Variants in COMMD1 observed in about 807,000 individuals in gnomAD.
The protein encoded by COMMD1 is COMM domain-containing protein 1.
A neutral mutation model predicts 17.2 loss-of-function variants in COMMD1; 10 were observed. That is an observed-to-expected ratio of 0.58 (90% CI 0.36 to 0.99). The LOEUF (loss-of-function observed/expected upper bound fraction) is 0.99. Ranked by LOEUF, COMMD1 falls within the 50% of genes least tolerant of loss-of-function variation. The pLI is 0.01. For synonymous variants in COMMD1, 97 were observed against 91.6 expected (o/e 1.06, Z -0.34); for missense variants, 270 against 231.8 (o/e 1.17, Z -1.07).
At chr2:61,969,072 C>T (rs1469030580) in intron 1 of COMMD1, 1 of 439,232 alleles carries the variant, frequency 2.3e-6, no homozygotes, top group Non-Finnish European at 4.6e-6. Context: ...GATTCTCCTG[C>T]CTCAGCCTCC....
chr2:62,071,126 C>T (rs1351055150), intron 2 of COMMD1, among the ~76,000 whole-genome samples: 1 of 152,194 alleles, frequency 6.6e-6, no homozygotes, highest in East Asian at 1.9e-4. Context: ...TGATTATATG[C>T]TAAACAAGGA....
chr2:62,101,923 A>G (rs1672192266), intron 2 of COMMD1, among the ~76,000 whole-genome samples: 1 of 152,106 alleles, frequency 6.6e-6, no homozygotes, highest in Non-Finnish European at 1.5e-5. Flanking sequence ...TTGGTGATTA[A>G]CTTAATCTCC....
At chr2:62,049,400 G>A (rs565887030) in intron 2 of COMMD1, among the ~76,000 whole-genome samples, 89 of 152,040 alleles carry the variant, frequency 5.9e-4, no homozygotes, top group African/African-American at 2.1e-3. Context: ...TTATCCTGGG[G>A]GTTTGGGAGG....
chr2:61,950,310 T>C (rs1671018677), intron 1 of COMMD1, among the ~76,000 whole-genome samples: 1 of 152,176 alleles, frequency 6.6e-6, no homozygotes, highest in Non-Finnish European at 1.5e-5. Context: ...AGGAAAACTT[T>C]CCCTCCTCCA....
intron 2 of COMMD1, among the ~76,000 whole-genome samples, chr2:62,054,337 C>G (rs1670627789): frequency 1.3e-5 from 2 of 152,156 alleles, no homozygotes; most frequent in Admixed American, 1.3e-4. Context: ...AGCAGTGCCA[C>G]TACTGGGTAT....
intron 1 of COMMD1, among the ~76,000 whole-genome samples, chr2:61,992,529 G>A (rs1672277478): frequency 6.6e-6 from 1 of 152,138 alleles, no homozygotes; most frequent in African/African-American, 2.4e-5. Context: ...TATAGCCCAT[G>A]AGCTAAAAAT....
intron 1 of COMMD1, among the ~76,000 whole-genome samples, chr2:61,960,158 A>G (rs1671303670): frequency 6.6e-6 from 1 of 152,174 alleles, no homozygotes; most frequent in Admixed American, 6.5e-5. Flanking sequence ...AATAGTGGAT[A>G]GCAATCTTAT....
At chr2:62,019,088 T>TTC (rs1298101730) in intron 2 of COMMD1, among the ~76,000 whole-genome samples, 117 of 113,228 alleles carry the variant, frequency 1.0e-3, no homozygotes, top group Non-Finnish European at 1.8e-3. Flanking sequence ...CTCTCTTTCT[T>TTC]TCTCTCTCTC....
intron 2 of COMMD1, among the ~76,000 whole-genome samples, chr2:62,015,919 G>A (rs1013365294): frequency 2.0e-5 from 3 of 151,836 alleles, no homozygotes; most frequent in African/African-American, 7.2e-5. Context: ...TGAAACCTCC[G>A]CCTCCCAAGT....
intron 1 of COMMD1, among the ~76,000 whole-genome samples, chr2:61,969,678 G>T (rs1458922248): frequency 6.6e-6 from 1 of 152,148 alleles, no homozygotes; most frequent in African/African-American, 2.4e-5. Context: ...TGTGTGATGT[G>T]TTCCAGTTCA....
At chr2:62,040,481 A>G (rs76917234) in intron 2 of COMMD1, among the ~76,000 whole-genome samples, 2,654 of 152,270 alleles carry the variant, frequency 0.017, 31 homozygotes, top group Non-Finnish European at 0.025. Flanking sequence ...AAAACAATTT[A>G]TGTGAAGTGA....
At position 62,014,542 on chromosome 2, in the gene COMMD1, C is replaced by CTT. The variant is rs67886279; in HGVS notation, c.462+13596_462+13597dup. Among the ~76,000 whole-genome samples, 41 of 63,566 alleles carry CTT rather than the reference C, an allele frequency of 6.4e-4. 2 individuals carry two copies. Among genetic ancestry groups the CTT allele is most frequent in the South Asian group, 8.9e-4 (1 of 1,122 alleles). 41.7% of individuals were successfully genotyped at this position (63,566 alleles called of 152,430 possible). ...CATAACAAAATTTTACCATTTTAAC[C>CTT]TTTTTTTTTTTTTTTTTTTTTTTTT... On this transcript the variant is annotated intron_variant, in intron 2 of 2. Coordinates refer to ENST00000311832, the MANE Select transcript of COMMD1 (RefSeq NM_152516.4).
intron 2 of COMMD1, among the ~76,000 whole-genome samples, chr2:62,071,455 A>G (rs1263939393): frequency 6.6e-6 from 1 of 151,962 alleles, no homozygotes; most frequent in South Asian, 2.1e-4. Flanking sequence ...TCTCTATTTC[A>G]TCTCGTGACT....
At chr2:62,042,079 G>A (rs1382825631) in intron 2 of COMMD1, among the ~76,000 whole-genome samples, 3 of 152,138 alleles carry the variant, frequency 2.0e-5, no homozygotes, top group Non-Finnish European at 2.9e-5. Flanking sequence ...ATTTTACAGA[G>A]CACCGATTGG....
intron 2 of COMMD1, among the ~76,000 whole-genome samples, chr2:62,121,931 A>G (rs62149952): frequency 0.17 from 25,305 of 152,010 alleles, 2,548 homozygotes; most frequent in Admixed American, 0.24. Context: ...AGCTAGGACT[A>G]CAGGTACCCA....
At chr2:61,939,225 G>A (rs577615401) in intron 1 of COMMD1, among the ~76,000 whole-genome samples, 20 of 151,640 alleles carry the variant, frequency 1.3e-4, no homozygotes, top group Admixed American at 3.9e-4. Context: ...AGGCTGAGGC[G>A]GGTGGGTCAC....
chr2:61,955,311 T>TC (rs1359512016), intron 1 of COMMD1, among the ~76,000 whole-genome samples: 9 of 144,000 alleles, frequency 6.3e-5, no homozygotes, highest in East Asian at 2.0e-4. Context: ...CCTCTCTCTC[T>TC]TTCTCTCTCT....
At chr2:62,081,179 C>T (rs1206844510) in intron 2 of COMMD1, among the ~76,000 whole-genome samples, 2 of 152,000 alleles carry the variant, frequency 1.3e-5, no homozygotes, top group African/African-American at 4.8e-5. Context: ...CTTCTGCCAG[C>T]AACATATCAG....
At chr2:62,028,573 CA>C (rs913912415) in intron 2 of COMMD1, among the ~76,000 whole-genome samples, 4 of 149,782 alleles carry the variant, frequency 2.7e-5, no homozygotes, top group Admixed American at 6.6e-5. Context: ...AGCCTTTCTC[CA>C]AAAAAAAGGA....
Sources: gnomAD v4.1 joint callset for allele counts (sites outside exome capture counted in the v4.1 genomes callset) on GRCh38, gnomAD v4.1.1 for gene constraint, MANE v1.5 for transcripts, NCBI Gene and HGNC (gene_info 2026-07-23, HGNC 2026-07-21) for gene names.